The following NRBP2 variants were observed in gnomAD, a reference collection of about 807,000 sequenced individuals.
NRBP2 encodes nuclear receptor binding protein 2.
In NRBP2, 47 loss-of-function variants were observed where a neutral mutation model predicts 74.4. The ratio of observed to expected loss-of-function variants is 0.63; its 90% CI spans 0.50 to 0.81. The LOEUF (loss-of-function observed/expected upper bound fraction) is 0.81, where lower values mean the gene tolerates loss of function less well. Ranked by LOEUF, NRBP2 falls within the 30% of genes least tolerant of loss-of-function variation. The pLI is 0.00. For synonymous variants in NRBP2, 312 were observed against 273.8 expected, an observed-to-expected ratio of 1.14 and a Z score of -1.38; for missense variants, 613 against 690.1, an observed-to-expected ratio of 0.89 and a Z score of 1.25.
At position 143,837,073 on chromosome 8, in the gene NRBP2, G is replaced by C; in HGVS notation, c.1229C>G (p.Pro410Arg). ...PPEEVQKAKT[P>R]TPEPFDSETR... ...CTCAGAGTCAAAGGGCTCTGGCGTC[G>C]GGGTCTTGGCCTTTTGGACCTCCTC... is the stretch of plus-strand genomic sequence containing the variant. The change falls in exon 14 of 18, where the codon CCG becomes CGG. Residue 410 changes from proline (P) to arginine (R), a missense_variant. Transcript: ENST00000442628. This position sits in a 1 kb window ranked among gnomAD's most constrained non-coding sequence, Gnocchi z 4.3. The C allele has an allele frequency of 1.2e-6, 2 of 1,611,838 alleles. No individual in the cohort carries two copies. Among genetic ancestry groups the C allele is most frequent in the Non-Finnish European group, 1.7e-6 (2 of 1,179,228 alleles).
chr8:143,838,320 G>A (rs1350151082), intron 10 of NRBP2, among the ~76,000 whole-genome samples: 1 of 151,348 alleles, frequency 6.6e-6, no homozygotes, highest in African/African-American at 2.5e-5. Flanking sequence ...TTAAAGTCAA[G>A]GACTTGGAGT....
downstream of NRBP2, among the ~76,000 whole-genome samples, chr8:143,831,324 G>C (rs974144434): frequency 2.6e-5 from 4 of 152,232 alleles, no homozygotes; most frequent in African/African-American, 9.6e-5. Context: ...CATCTCAAAA[G>C]AGAAGTCCAG....
Position 143,840,866 on chromosome 8 carries a change from G to T in NRBP2, c.-32C>A. ...GCCAGCCCAGGCCACCGCCCTCTGCGCGATCCGCCGCCGGCGCAGCCTCTC... is the reference window on the plus strand; with the variant it reads ...GCCAGCCCAGGCCACCGCCCTCTGCTCGATCCGCCGCCGGCGCAGCCTCTC... On this transcript the variant is annotated 5_prime_UTR_variant, in exon 1 of 18. Coordinates refer to ENST00000442628, the MANE Select transcript of NRBP2 (RefSeq NM_178564.4). The surrounding 1 kb of genome is among the most constrained non-coding windows in gnomAD (Gnocchi z 5.7). The T allele has an allele frequency of 7.7e-7, 1 of 1,299,652 alleles. No individual in the cohort carries two copies. Among genetic ancestry groups the T allele is most frequent in the East Asian group, 3.2e-5 (1 of 31,126 alleles). The allele number at this position is 1,299,652 out of a possible 1,614,324, so 80.5% of individuals were successfully genotyped here.
Position 143,839,520 on chromosome 8 carries a change from C to G in NRBP2, c.474G>C (p.Leu158=). Residue 158 remains leucine (L), a synonymous_variant, in exon 5 of 18, where the codon CTG becomes CTC. Coordinates refer to ENST00000442628, the MANE Select transcript of NRBP2 (RefSeq NM_178564.4). The surrounding 1 kb of genome is among the most constrained non-coding windows in gnomAD (Gnocchi z 5.1). ...RAWKRWCTQI[L]SALSFLHACS... ...GCCCAGGCCCTCACCTGAGCGCAGA[C>G]AGGATCTGCGTGCACCAGCGCTTCC... The G allele has an allele frequency of 6.5e-7, 1 of 1,533,030 alleles. No individual in the cohort carries two copies. Among genetic ancestry groups the G allele is most frequent in the Non-Finnish European group, 8.7e-7 (1 of 1,146,044 alleles). 95.0% of individuals were successfully genotyped at this position (1,533,030 alleles called of 1,614,324 possible). A position where few individuals can be genotyped will look rare whatever the true frequency, so the allele number is the denominator to read the frequency against.
chr8:143,833,667 A>G lies in NRBP2; in HGVS notation c.*1995T>C, dbSNP rs1405269826. 4 of 152,188 alleles carry G rather than the reference A, an allele frequency of 2.6e-5. No individual in the cohort carries two copies. Among genetic ancestry groups the G allele is most frequent in the East Asian group, 1.9e-4 (1 of 5,196 alleles). 9.4% of individuals were successfully genotyped at this position (152,188 alleles called of 1,614,324 possible). ...AACTATTCTACTTTAAAAACAATAC[A>G]TATATAATTCTGAAAAGATAAAATT... On this transcript the variant is annotated 3_prime_UTR_variant, in exon 18 of 18. Coordinates refer to ENST00000442628, the MANE Select transcript of NRBP2 (RefSeq NM_178564.4).
rs782552659 is a variant in NRBP2 at position 143,837,258 on chromosome 8, T to G, written c.1118A>C (p.Glu373Ala). The change falls in exon 13 of 18, where the codon GAG (glutamate) becomes GCG (alanine). Residue 373 changes from glutamate (E) to alanine (A), a missense_variant. Transcript: ENST00000442628. This position sits in a 1 kb window ranked among gnomAD's most constrained non-coding sequence, Gnocchi z 4.3. ...TTACATCAGTTCTCACCTGACATCC[T>G]CCAGGAATTTGTCCAGCTCCATGAA... The part of the protein sequence containing the change: ...VSFMELDKFL[E>A]DVRNGIYPLM... The G allele has an allele frequency of 4.3e-6, 7 of 1,612,730 alleles. No homozygotes were observed. The highest frequency in any genetic ancestry group is 5.1e-6 in the Non-Finnish European group (6 of 1,179,772).
chr8:143,839,437 A>G lies in NRBP2; in HGVS notation c.486-29T>C, dbSNP rs1818590814. On this transcript the variant is annotated intron_variant, in intron 5 of 17. Transcript: ENST00000442628. The surrounding 1 kb of genome is among the most constrained non-coding windows in gnomAD (Gnocchi z 5.1). The stretch of plus-strand genomic sequence containing the variant: ...CAGACGTTGGGGAGGGGAGAGTAGG[A>G]GGAGCCGGTCAGGAGGCTCTGGAGA... 6.5e-7 allele frequency: 1 copy of G among 1,539,396 alleles called. No individual in the cohort carries two copies. The highest frequency in any genetic ancestry group is 8.7e-7 in the Non-Finnish European group (1 of 1,149,614).
At position 143,835,793 on chromosome 8, in the gene NRBP2, C is replaced by T. The variant is rs1554651416; in HGVS notation, c.1437+27G>A. Reference sequence around the variant, plus strand: ...GGCCTGCCCCGTGCGCCCCCTCCGCCAGGCCGCGCCGCACCGCCCAGCGCA... The same window carrying T: ...GGCCTGCCCCGTGCGCCCCCTCCGCTAGGCCGCGCCGCACCGCCCAGCGCA... On this transcript the variant is annotated intron_variant, in intron 17 of 17. Transcript: ENST00000442628. This position sits in a 1 kb window ranked among gnomAD's most constrained non-coding sequence, Gnocchi z 4.9. 1 of 1,601,176 alleles carries T rather than the reference C, an allele frequency of 6.2e-7. No homozygotes were observed. The highest frequency in any genetic ancestry group is 2.3e-5 in the East Asian group (1 of 44,402).
chr8:143,839,492 C>A lies in NRBP2; in HGVS notation c.485+17G>T. 2 of 1,532,658 alleles carry A rather than the reference C, an allele frequency of 1.3e-6. No homozygotes were observed. Among genetic ancestry groups the A allele is most frequent in the Non-Finnish European group, 1.7e-6 (2 of 1,145,676 alleles). The allele number at this position is 1,532,658 out of a possible 1,614,324, so 94.9% of individuals were successfully genotyped here. ...GGGGCTCGGTGGCGCCGCGCCCAGG[C>A]CAGCCCAGGCCCTCACCTGAGCGCA... is the stretch of plus-strand genomic sequence containing the variant. On this transcript the variant is annotated intron_variant, in intron 5 of 17. Transcript: ENST00000442628. The surrounding 1 kb of genome is among the most constrained non-coding windows in gnomAD (Gnocchi z 5.1).
chr8:143,831,138 C>T (rs554338808), downstream of NRBP2, among the ~76,000 whole-genome samples: 1 of 152,334 alleles, frequency 6.6e-6, no homozygotes, highest in Admixed American at 6.5e-5. Context: ...AATGTGCACG[C>T]AGGATGCATG....
Position 143,835,324 on chromosome 8 carries a change from A to C in NRBP2, c.*338T>G. On this transcript the variant is annotated 3_prime_UTR_variant, in exon 18 of 18. Transcript: ENST00000442628. The surrounding 1 kb of genome is among the most constrained non-coding windows in gnomAD (Gnocchi z 4.9). ...CCAAGCCCCAGAGCTGGGGTTCCCT[A>C]CAGGGCAGCCTCCTGCATGCTGAGG... 2.4e-6 allele frequency: 1 copy of C among 417,736 alleles called. No homozygotes were observed. The highest frequency in any genetic ancestry group is 4.4e-6 in the Non-Finnish European group (1 of 227,910). The allele number at this position is 417,736 out of a possible 1,614,324, so 25.9% of individuals were successfully genotyped here. A position where few individuals can be genotyped will look rare whatever the true frequency, so the allele number is the denominator to read the frequency against.
Position 143,839,595 on chromosome 8 carries a change from G to A in NRBP2, c.445-46C>T, listed in dbSNP as rs1554653091. On this transcript the variant is annotated intron_variant, in intron 4 of 17. Coordinates refer to ENST00000442628, the MANE Select transcript of NRBP2 (RefSeq NM_178564.4). The surrounding 1 kb of genome is among the most constrained non-coding windows in gnomAD (Gnocchi z 5.1). ...CCGTCGGTCGGGTGGGCGCAGGAGAGGCGGCTGGGCCTGCGGAGCCCGCCC... is the reference window on the plus strand; with the variant it reads ...CCGTCGGTCGGGTGGGCGCAGGAGAAGCGGCTGGGCCTGCGGAGCCCGCCC... The A allele has an allele frequency of 7.9e-6, 12 of 1,515,848 alleles. No individual in the cohort carries two copies. The highest frequency in any genetic ancestry group is 2.8e-5 in the African/African-American group (2 of 72,332). 93.9% of individuals were successfully genotyped at this position (1,515,848 alleles called of 1,614,324 possible).
rs782382732 is a variant in NRBP2, at chr8:143,836,016, C to G, written c.1332G>C (p.Leu444=). The part of the protein sequence containing the change: ...DKARWHLTLL[L]VLEDRLHRQL... ...GCCGGTGCAGCCGGTCTTCCAGCAC[C>G]AGAAGCAGAGTGAGCTGGGGAGGCG... Residue 444 remains leucine, a synonymous_variant, in exon 16 of 18, where the codon CTG becomes CTC. Coordinates refer to ENST00000442628, the MANE Select transcript of NRBP2 (RefSeq NM_178564.4). 1.3e-6 allele frequency: 2 copies of G among 1,575,772 alleles called. No individual in the cohort carries two copies. The highest frequency in any genetic ancestry group is 2.7e-5 in the African/African-American group (2 of 73,252).
Position 143,840,137 on chromosome 8 carries a change from G to C in NRBP2, c.222C>G (p.Phe74Leu), listed in dbSNP as rs781852361. 7 of 1,536,156 alleles carry C rather than the reference G, an allele frequency of 4.6e-6. No homozygotes were observed. In the South Asian group the frequency reaches 8.3e-5, roughly 18 times the overall value. The change falls in exon 2 of 18, where the codon TTC becomes TTG. Residue 74 changes from phenylalanine (F) to leucine (L), a missense_variant. This residue lies in a region of NRBP2 where 332 missense variants were observed against 429.2 expected (regional missense o/e 0.77). Coordinates refer to ENST00000442628, the MANE Select transcript of NRBP2 (RefSeq NM_178564.4). The surrounding 1 kb of genome is among the most constrained non-coding windows in gnomAD (Gnocchi z 5.7). ...GCGCCGCGAAGGCCTTCCTGTCTCC[G>C]AAGTGGAGCTCGTTCCACACCACCT... is the stretch of plus-strand genomic sequence containing the variant. The part of the protein sequence containing the change: ...GVEVVWNELH[F>L]GDRKAFAAHE...
At chr8:143,832,386 C>T (rs1464012600), downstream of NRBP2, among the ~76,000 whole-genome samples, 13 of 151,886 alleles carry the variant, frequency 8.6e-5, no homozygotes, top group African/African-American at 1.9e-4. Context: ...AAGACCTGAC[C>T]GTCCCCCAGC....
chr8:143,838,134 G>C (rs1160150065), intron 10 of NRBP2: 1 of 447,630 alleles, frequency 2.2e-6, no homozygotes, highest in Non-Finnish European at 4.2e-6. Flanking sequence ...TGCCCAGCCC[G>C]GCTCCAGCTC....
At chr8:143,832,210 G>A (rs1818189777), downstream of NRBP2, among the ~76,000 whole-genome samples, 1 of 151,856 alleles carries the variant, frequency 6.6e-6, no homozygotes, top group Non-Finnish European at 1.5e-5. Context: ...TTAAACAGAT[G>A]CTTGAAGGCA....
rs112234503 is a variant in NRBP2 at position 143,835,490 on chromosome 8, G to C, written c.*172C>G. ...CCCCACACCCACCCCCCAACCCCTC[G>C]GCGCCCAAGGCAGGGTCAGCCCCAC... On this transcript the variant is annotated 3_prime_UTR_variant, in exon 18 of 18. Coordinates refer to ENST00000442628, the MANE Select transcript of NRBP2 (RefSeq NM_178564.4). The surrounding 1 kb of genome is among the most constrained non-coding windows in gnomAD (Gnocchi z 4.9). 63 of 591,090 alleles carry C rather than the reference G, an allele frequency of 1.1e-4. No individual in the cohort carries two copies. Among genetic ancestry groups the C allele is most frequent in the East Asian group, 1.7e-4 (5 of 30,266 alleles). 36.6% of individuals were successfully genotyped at this position (591,090 alleles called of 1,614,324 possible).
Position 143,839,266 on chromosome 8 carries a change from G to T in NRBP2, c.580+48C>A, listed in dbSNP as rs782593945. 2.0e-6 allele frequency: 3 copies of T among 1,535,468 alleles called. No homozygotes were observed. The highest frequency in any genetic ancestry group is 2.6e-6 in the Non-Finnish European group (3 of 1,146,496). On this transcript the variant is annotated intron_variant, in intron 6 of 17. Coordinates refer to ENST00000442628, the MANE Select transcript of NRBP2 (RefSeq NM_178564.4). The surrounding 1 kb of genome is among the most constrained non-coding windows in gnomAD (Gnocchi z 5.1). ...AGAACTCCTCTGCCCTTGGCTCCAG[G>T]CACCTTCCCCTGCCCCGTTCCCCCA...
Sources: allele counts gnomAD v4.1 joint callset (sites outside exome capture counted in the v4.1 genomes callset), GRCh38; gene constraint gnomAD v4.1.1; regional missense constraint gnomAD v4.1.1; non-coding constraint Gnocchi (gnomAD v3.1); transcripts MANE v1.5; gene names NCBI Gene and HGNC (gene_info 2026-07-23, HGNC 2026-07-21).